Variants in IGSF11 observed in about 807,000 individuals in gnomAD.
The protein encoded by IGSF11 is immunoglobulin superfamily member 11.
IGSF11 carries 22 observed loss-of-function variants against 41.0 expected under a neutral mutation model. The observed-to-expected ratio is 0.54, with a 90% CI of 0.38 to 0.77. IGSF11 has a LOEUF of 0.77. Among genes scored for constraint, IGSF11 ranks in the 30% least tolerant of loss-of-function variants. The pLI is 0.00. For missense variants in IGSF11, 444 were observed against 530.8 expected (o/e 0.84, Z 1.61); for synonymous variants, 219 against 201.3 (o/e 1.09, Z -0.74).
At chr3:119,103,058 C>A (rs2573194) in intron 1 of IGSF11, among the ~76,000 whole-genome samples, 4 of 147,150 alleles carry the variant, frequency 2.7e-5, no homozygotes, top group Non-Finnish European at 5.9e-5. Context: ...AATGCAATGG[C>A]GCAATCTCAG....
intron 1 of IGSF11, among the ~76,000 whole-genome samples, chr3:119,089,999 TGGG>T (rs1233764875): frequency 6.6e-6 from 1 of 152,150 alleles, no homozygotes; most frequent in Admixed American, 6.5e-5. Flanking sequence ...CACTCCAGCC[TGGG>T]CAACAGAGCC....
At chr3:118,928,462 G>T in intron 3 of IGSF11, 47 bp downstream of exon 3, 1 of 1,467,570 alleles carries the variant, frequency 6.8e-7, no homozygotes. Flanking sequence ...CTTGAGAGTA[G>T]CTTCGTGAGT....
chr3:119,044,390 A>G (rs189869655), intron 1 of IGSF11, among the ~76,000 whole-genome samples: 48 of 152,166 alleles, frequency 3.2e-4, no homozygotes, highest in Non-Finnish European at 6.0e-4. Flanking sequence ...AAAAATAAAC[A>G]AAGCCTCCAA....
chr3:118,980,186 G>A (rs1364177075), intron 1 of IGSF11, among the ~76,000 whole-genome samples: 1 of 152,030 alleles, frequency 6.6e-6, no homozygotes, highest in Non-Finnish European at 1.5e-5. Context: ...TTTATCCAAA[G>A]GAAAAGAAAT....
At chr3:119,130,717 A>T (rs976050501) in intron 1 of IGSF11, among the ~76,000 whole-genome samples, 2 of 152,206 alleles carry the variant, frequency 1.3e-5, no homozygotes, top group Non-Finnish European at 2.9e-5. Flanking sequence ...TTCTCCAGAC[A>T]GACTGCCTCC....
At chr3:119,105,069 C>A in intron 1 of IGSF11, 2 of 909,440 alleles carry the variant, frequency 2.2e-6, no homozygotes, top group South Asian at 3.0e-5. Flanking sequence ...TCACAAAAAG[C>A]CTTTCACTCA....
chr3:118,974,829 CTTCT>C (rs1354199436), intron 1 of IGSF11, among the ~76,000 whole-genome samples: 3 of 152,036 alleles, frequency 2.0e-5, no homozygotes, highest in Non-Finnish European at 4.4e-5. Flanking sequence ...CTATTACTTT[CTTCT>C]TTATCATGAG....
chr3:119,069,393 A>G (rs1295890971), intron 1 of IGSF11, among the ~76,000 whole-genome samples: 1 of 152,196 alleles, frequency 6.6e-6, no homozygotes, highest in Admixed American at 6.5e-5. Context: ...GAGTAGAAAA[A>G]TCCTTTTGGA....
intron 1 of IGSF11, among the ~76,000 whole-genome samples, chr3:119,083,098 CT>C (rs1286642842): frequency 2.7e-5 from 4 of 148,452 alleles, no homozygotes; most frequent in Non-Finnish European, 3.0e-5. Flanking sequence ...AGACTAATTC[CT>C]TTTTTTTCTT....
At chr3:118,944,378 C>T (rs550365470) in intron 1 of IGSF11, among the ~76,000 whole-genome samples, 1 of 151,984 alleles carries the variant, frequency 6.6e-6, no homozygotes, top group African/African-American at 2.4e-5. Context: ...CTTTCTTCCA[C>T]AGTGGGCTTT....
chr3:119,111,498 T>A (rs1166801931), intron 1 of IGSF11, among the ~76,000 whole-genome samples: 1 of 152,314 alleles, frequency 6.6e-6, no homozygotes, highest in East Asian at 1.9e-4. Context: ...TCATCTAAAT[T>A]TTTTTCAAAG....
At chr3:118,920,208 T>C (rs1941625773) in intron 4 of IGSF11, among the ~76,000 whole-genome samples, 1 of 150,240 alleles carries the variant, frequency 6.7e-6, no homozygotes, top group Admixed American at 6.6e-5. Context: ...CATGTATACA[T>C]ATGTAACTAA....
chr3:119,067,386 C>G lies in IGSF11; in HGVS notation c.49+37758G>C, dbSNP rs138727405. Among the ~76,000 whole-genome samples the G allele has an allele frequency of 1.3e-4, 20 of 152,324 alleles. No homozygotes were observed. In the East Asian group the frequency reaches 3.9e-3, roughly 29 times the overall value. On this transcript the variant is annotated intron_variant, in intron 1 of 6. Transcript: ENST00000354673. ...CAGTTCTAGCAAACTGTAGATCCAG[C>G]TCTGCCCTTCCAAGGTCCTCAGCCC...
chr3:119,104,697 A>G (rs1370139514), intron 1 of IGSF11, among the ~76,000 whole-genome samples: 1 of 152,056 alleles, frequency 6.6e-6, no homozygotes. Flanking sequence ...GAACTCCAGC[A>G]CTCCAAAGGC....
At chr3:119,075,972 A>G (rs1303572340) in intron 1 of IGSF11, among the ~76,000 whole-genome samples, 8 of 152,190 alleles carry the variant, frequency 5.3e-5, no homozygotes, top group African/African-American at 7.2e-5. Context: ...AAGCCAAAAG[A>G]ACAAAGCTGG....
At chr3:118,904,575 T>A (rs1939342959) in intron 6 of IGSF11, 73 bp downstream of exon 6, 3 of 1,117,740 alleles carry the variant, frequency 2.7e-6, no homozygotes, top group Non-Finnish European at 3.9e-6. Context: ...AGTAGATATA[T>A]CTTAACTGAC....
chr3:119,020,627 C>T (rs1260960214), intron 1 of IGSF11, among the ~76,000 whole-genome samples: 2 of 152,206 alleles, frequency 1.3e-5, no homozygotes, highest in Admixed American at 6.5e-5. Flanking sequence ...TATCCTCAGA[C>T]GCCTGAAGCA....
intron 4 of IGSF11, among the ~76,000 whole-genome samples, chr3:118,917,842 G>C (rs1182184228): frequency 6.7e-6 from 1 of 149,278 alleles, no homozygotes; most frequent in African/African-American, 2.5e-5. Flanking sequence ...GATGAACATT[G>C]ATGCAAAAAT....
At chr3:119,059,768 C>T (rs762511953) in intron 1 of IGSF11, among the ~76,000 whole-genome samples, 4 of 151,994 alleles carry the variant, frequency 2.6e-5, no homozygotes, top group Non-Finnish European at 5.9e-5. Context: ...GTCCACCTTC[C>T]CCTGCAGAGG....
Sources: allele counts gnomAD v4.1 joint callset (sites outside exome capture counted in the v4.1 genomes callset), GRCh38; gene constraint gnomAD v4.1.1; transcripts MANE v1.5; gene names NCBI Gene and HGNC (gene_info 2026-07-23, HGNC 2026-07-21).